Variants in BEAN1 observed in about 807,000 individuals in gnomAD.
BEAN1 encodes brain expressed associated with NEDD4 1.
In BEAN1, 17 loss-of-function variants were observed where a neutral mutation model predicts 17.7. That is an observed-to-expected ratio of 0.96 (90% CI 0.66 to 1.44). The LOEUF (loss-of-function observed/expected upper bound fraction) is 1.44. Among genes scored for constraint, BEAN1 ranks in the 40% most tolerant of loss-of-function variants. BEAN1 has a pLI of 0.00. For missense variants in BEAN1, 359 were observed against 374.1 expected, an observed-to-expected ratio of 0.96 and a Z score of 0.33; for synonymous variants, 142 against 151.8, an observed-to-expected ratio of 0.94 and a Z score of 0.47.
intron 2 of BEAN1, among the ~76,000 whole-genome samples, chr16:66,440,030 G>T (rs1039419651): frequency 2.0e-5 from 3 of 151,856 alleles, no homozygotes; most frequent in African/African-American, 7.3e-5. Context: ...TCTGGCTTGT[G>T]CACCCGCACC....
rs901484789 is a variant in BEAN1 at position 66,480,703 on chromosome 16, C to T, written c.558C>T (p.Ser186=). 4.4e-5 allele frequency: 69 copies of T among 1,551,636 alleles called. No homozygotes were observed. Among genetic ancestry groups the T allele is most frequent in the Non-Finnish European group, 5.8e-5 (66 of 1,146,956 alleles). Residue 186 remains serine (S), a synonymous_variant, in exon 5 of 5, where the codon AGC becomes AGT. Transcript: ENST00000536005. ...PTLDGTSDSG[S]GHSPGRHQQE... ...TGGATGGCACCTCCGACTCAGGCAG[C>T]GGCCACAGCCCTGGCCGACACCAGC...
chr16:66,460,016 G>A (rs993188049), intron 2 of BEAN1, among the ~76,000 whole-genome samples: 3 of 152,180 alleles, frequency 2.0e-5, no homozygotes, highest in Non-Finnish European at 2.9e-5. Flanking sequence ...CAGGCACACC[G>A]TGCACACCAA....
Position 66,480,678 on chromosome 16 carries a change from T to G in BEAN1, c.533T>G (p.Leu178Arg). Residue 178 changes from leucine to arginine, a missense_variant, in exon 5 of 5, where the codon CTG becomes CGG. Coordinates refer to ENST00000536005, the MANE Select transcript of BEAN1 (RefSeq NM_001178020.3). ...PYSLTDSCPT[L>R]DGTSDSGSGH... ...TCGCTGACTGATTCCTGCCCCACGC[T>G]GGATGGCACCTCCGACTCAGGCAGC... 1 of 1,551,664 alleles carries G rather than the reference T, an allele frequency of 6.4e-7. No homozygotes were observed. The highest frequency in any genetic ancestry group is 8.7e-7 in the Non-Finnish European group (1 of 1,146,952).
At chr16:66,441,083 G>A (rs574923686) in intron 2 of BEAN1, among the ~76,000 whole-genome samples, 163 of 152,254 alleles carry the variant, frequency 1.1e-3, no homozygotes, top group Non-Finnish European at 1.9e-3. Flanking sequence ...TGTTCGTGCC[G>A]CCAGTGGACG....
At chr16:66,493,790 G>A (rs1307529334), downstream of BEAN1, among the ~76,000 whole-genome samples, 3 of 152,182 alleles carry the variant, frequency 2.0e-5, no homozygotes, top group Admixed American at 6.5e-5. Flanking sequence ...CAGAATAGAC[G>A]CCGCACCTCC....
intron 2 of BEAN1, among the ~76,000 whole-genome samples, chr16:66,465,896 A>G (rs1402799202): frequency 1.3e-5 from 2 of 152,202 alleles, no homozygotes; most frequent in Non-Finnish European, 2.9e-5. Flanking sequence ...TGTTCATAGT[A>G]TTCCCTGAAA....
chr16:66,428,508 A>G (rs977075704), intron 1 of BEAN1: 1 of 152,392 alleles, frequency 6.6e-6, no homozygotes, highest in Non-Finnish European at 1.5e-5. Flanking sequence ...AGTAAGCAGG[A>G]GTCTGTTGTG....
At chr16:66,438,713 C>A (rs1214486356) in intron 2 of BEAN1, among the ~76,000 whole-genome samples, 1 of 152,116 alleles carries the variant, frequency 6.6e-6, no homozygotes, top group Non-Finnish European at 1.5e-5. Flanking sequence ...CCCTAGTCTC[C>A]ACCCGCTTGA....
At position 66,437,635 on chromosome 16, in the gene BEAN1, C is replaced by A; in HGVS notation, c.-42C>A. The A allele has an allele frequency of 6.5e-7, 1 of 1,532,796 alleles. No homozygotes were observed. The highest frequency in any genetic ancestry group is 2.4e-5 in the East Asian group (1 of 40,890). 94.9% of individuals were successfully genotyped at this position (1,532,796 alleles called of 1,614,324 possible). ...TTCCCTGCGAGAAGTCAGAGCTGTG[C>A]CCGTGGGCAGGCTGGCTCCGCTGTT... is the stretch of plus-strand genomic sequence containing the variant. On this transcript the variant is annotated 5_prime_UTR_variant, in exon 2 of 5. Coordinates refer to ENST00000536005, the MANE Select transcript of BEAN1 (RefSeq NM_001178020.3).
rs767146589 is a variant in BEAN1 at position 66,434,759 on chromosome 16, T to C, written c.-82-2836T>C. Reference sequence around the variant, plus strand: ...AGCATCTCAGCTTTTTGCATAGAGATCCTCCTCTTCAGCAAGCCAAGCACC... The same window carrying C: ...AGCATCTCAGCTTTTTGCATAGAGACCCTCCTCTTCAGCAAGCCAAGCACC... On this transcript the variant is annotated intron_variant, in intron 1 of 4. Coordinates refer to ENST00000536005, the MANE Select transcript of BEAN1 (RefSeq NM_001178020.3). The surrounding 1 kb of genome is among the most constrained non-coding windows in gnomAD (Gnocchi z 4.3). Among the ~76,000 whole-genome samples the C allele has an allele frequency of 6.6e-6, 1 of 152,036 alleles. No homozygotes were observed. Among genetic ancestry groups the C allele is most frequent in the Non-Finnish European group, 1.5e-5 (1 of 67,986 alleles).
downstream of BEAN1, chr16:66,485,326 A>G (rs1224082539): frequency 2.8e-6 from 1 of 357,108 alleles, no homozygotes; most frequent in Non-Finnish European, 5.6e-6. Context: ...CTTCTCACTT[A>G]GAGCTTGTGC....
intron 2 of BEAN1, among the ~76,000 whole-genome samples, chr16:66,464,341 AT>A (rs369026974): frequency 2.4e-3 from 356 of 146,284 alleles, no homozygotes; most frequent in East Asian, 8.3e-3. Context: ...TAAGTTTTGT[AT>A]TTTTTTTTTT....
intron 2 of BEAN1, among the ~76,000 whole-genome samples, chr16:66,467,416 G>A (rs571927144): frequency 1.3e-5 from 2 of 152,284 alleles, no homozygotes; most frequent in African/African-American, 2.4e-5. Flanking sequence ...CAGTAGGAGA[G>A]AGAATGAGTA....
At chr16:66,451,037 A>G (rs1962653826) in intron 2 of BEAN1, 1 of 153,288 alleles carries the variant, frequency 6.5e-6, no homozygotes, top group African/African-American at 2.4e-5. Context: ...GTTTTCCAGT[A>G]TCATCACCAG....
At chr16:66,489,786 T>C (rs1028980933) in intron 4 of BEAN1, among the ~76,000 whole-genome samples, 1 of 152,128 alleles carries the variant, frequency 6.6e-6, no homozygotes, top group Non-Finnish European at 1.5e-5. Context: ...TGGAGGGGGC[T>C]ACATACAGAA....
chr16:66,457,596 T>G (rs1962921420), intron 2 of BEAN1, among the ~76,000 whole-genome samples: 1 of 152,122 alleles, frequency 6.6e-6, no homozygotes, highest in South Asian at 2.1e-4. Context: ...GACTCACCCC[T>G]CTGTGTTCCT....
chr16:66,473,907 T>C lies in BEAN1; in HGVS notation c.290-3653T>C, dbSNP rs1963588707. Among the ~76,000 whole-genome samples the C allele has an allele frequency of 6.6e-6, 1 of 151,950 alleles. No individual in the cohort carries two copies. Among genetic ancestry groups the C allele is most frequent in the African/African-American group, 2.4e-5 (1 of 41,350 alleles). ...CTGTCCCTTTATAAGTCAAGGTCCC[T>C]CAGATCCCACACCTTGGTCCTGGTC... On this transcript the variant is annotated intron_variant, in intron 3 of 4. Coordinates refer to ENST00000536005, the MANE Select transcript of BEAN1 (RefSeq NM_001178020.3). The surrounding 1 kb of genome is among the most constrained non-coding windows in gnomAD (Gnocchi z 4.5).
intron 1 of BEAN1, among the ~76,000 whole-genome samples, chr16:66,432,274 G>A (rs1169904418): frequency 6.6e-6 from 1 of 152,124 alleles, no homozygotes; most frequent in Non-Finnish European, 1.5e-5. Flanking sequence ...ACAAACATGA[G>A]GGTATCCACG....
At chr16:66,437,505 T>C in intron 1 of BEAN1, 90 bp from the exon 2 acceptor site, 2 of 735,460 alleles carry the variant, frequency 2.7e-6, no homozygotes, top group Non-Finnish European at 4.4e-6. Context: ...CCCGCAGAGG[T>C]TGACAGCTCA....
Sources: allele counts gnomAD v4.1 joint callset (sites outside exome capture counted in the v4.1 genomes callset), GRCh38; gene constraint gnomAD v4.1.1; non-coding constraint Gnocchi (gnomAD v3.1); transcripts MANE v1.5; gene names NCBI Gene and HGNC (gene_info 2026-07-23, HGNC 2026-07-21).